The following TENM4 variants were observed in gnomAD, a reference collection of about 807,000 sequenced individuals.
TENM4 encodes the protein teneurin-4.
TENM4 carries 82 observed loss-of-function variants against 243.3 expected under a neutral mutation model. That is an observed-to-expected ratio of 0.34 (90% CI 0.28 to 0.40). TENM4 has a LOEUF of 0.40. Ranked by LOEUF, TENM4 falls within the 10% of genes least tolerant of loss-of-function variation. TENM4 has a pLI of 1.00. For missense variants in TENM4, 3,138 were observed against 3,673.3 expected, an observed-to-expected ratio of 0.85 and a Z score of 3.77; for synonymous variants, 1,412 against 1,456.3, an observed-to-expected ratio of 0.97 and a Z score of 0.69.
intron 17 of TENM4, among the ~76,000 whole-genome samples, chr11:78,775,863 T>C (rs1484605158): frequency 6.6e-6 from 1 of 152,250 alleles, no homozygotes; most frequent in Non-Finnish European, 1.5e-5. Flanking sequence ...GGGACCACTT[T>C]ATCTTCAATC....
chr11:79,194,781 A>G (rs1344863112), intron 3 of TENM4, among the ~76,000 whole-genome samples: 1 of 152,184 alleles, frequency 6.6e-6, no homozygotes, highest in African/African-American at 2.4e-5. Context: ...AGAAAATTCC[A>G]TTTTCTGGGG....
chr11:78,909,431 G>A (rs566226993), intron 6 of TENM4, among the ~76,000 whole-genome samples: 2 of 152,200 alleles, frequency 1.3e-5, no homozygotes, highest in Non-Finnish European at 2.9e-5. Flanking sequence ...CCAGGATTTC[G>A]AAACCTTTAA....
chr11:79,247,413 T>C (rs1177569173), intron 2 of TENM4, among the ~76,000 whole-genome samples: 32 of 51,760 alleles, frequency 6.2e-4, no homozygotes, highest in African/African-American at 2.8e-3. Context: ...TGAGACTCTG[T>C]CTCAAAAAAA....
Position 79,219,423 on chromosome 11 carries a change from T to C in TENM4, c.-264-3514A>G, listed in dbSNP as rs148540175. ...TCTAGGAAGATGAATGTGGCAAGCC[T>C]TGCACAATATGAATTGGAAGTGGAG... On this transcript the variant is annotated intron_variant, in intron 2 of 33. Coordinates refer to ENST00000278550, the MANE Select transcript of TENM4 (RefSeq NM_001098816.3). 9.4e-4 allele frequency among the ~76,000 whole-genome samples: 143 copies of C among 152,328 alleles called. 4 individuals are homozygous for C. The highest frequency in any genetic ancestry group is 3.3e-3 in the African/African-American group (139 of 41,568).
chr11:79,208,260 A>G lies in TENM4; in HGVS notation c.-163+7548T>C, dbSNP rs116797638. On this transcript the variant is annotated intron_variant, in intron 3 of 33. Coordinates refer to ENST00000278550, the MANE Select transcript of TENM4 (RefSeq NM_001098816.3). Reference sequence around the variant, plus strand: ...TTGCTACATAGTATTAAGCACATCTATGAGTAAGGCCTTTGCCTATTTTAG... The same window carrying G: ...TTGCTACATAGTATTAAGCACATCTGTGAGTAAGGCCTTTGCCTATTTTAG... Among the ~76,000 whole-genome samples the G allele has an allele frequency of 3.0e-3, 455 of 152,350 alleles. 2 individuals carry two copies. The highest frequency in any genetic ancestry group is 0.01 in the African/African-American group (428 of 41,564).
At chr11:79,193,689 C>T (rs544079279) in intron 3 of TENM4, among the ~76,000 whole-genome samples, 15 of 152,278 alleles carry the variant, frequency 9.9e-5, no homozygotes, top group East Asian at 3.9e-4. Context: ...GCCAGGGACA[C>T]GGTGGCCTCA....
chr11:79,121,768 A>G (rs1648902657), intron 4 of TENM4, among the ~76,000 whole-genome samples: 1 of 152,152 alleles, frequency 6.6e-6, no homozygotes, highest in African/African-American at 2.4e-5. Flanking sequence ...TGGTGGAAAG[A>G]GTTTGGAGTT....
chr11:78,831,473 C>G (rs145623219), intron 12 of TENM4, among the ~76,000 whole-genome samples: 1 of 152,190 alleles, frequency 6.6e-6, no homozygotes, highest in African/African-American at 2.4e-5. Flanking sequence ...GTAATAAATG[C>G]GTAAAGCCCA....
chr11:79,399,816 C>T (rs1028344809), intron 1 of TENM4, among the ~76,000 whole-genome samples: 4 of 152,158 alleles, frequency 2.6e-5, no homozygotes, highest in Non-Finnish European at 5.9e-5. Context: ...AGTTCCTTCT[C>T]TGTAAAGAAT....
chr11:78,897,528 AG>A (rs1466204767), intron 7 of TENM4, among the ~76,000 whole-genome samples: 1 of 152,174 alleles, frequency 6.6e-6, no homozygotes, highest in Non-Finnish European at 1.5e-5. Flanking sequence ...GTTCCCAGTA[AG>A]GGCTCTCTCT....
chr11:78,837,983 G>A (rs1858156716), intron 12 of TENM4, among the ~76,000 whole-genome samples: 1 of 151,898 alleles, frequency 6.6e-6, no homozygotes, highest in Admixed American at 6.6e-5. Context: ...CATTTTTATG[G>A]TTTAATACAA....
chr11:78,791,554 G>A (rs1857056976), intron 15 of TENM4, among the ~76,000 whole-genome samples: 1 of 152,210 alleles, frequency 6.6e-6, no homozygotes, highest in South Asian at 2.1e-4. Flanking sequence ...GGTGCTCCCT[G>A]TGTGCAAGCC....
chr11:79,084,861 C>G (rs1435960564), intron 4 of TENM4, among the ~76,000 whole-genome samples: 1 of 152,176 alleles, frequency 6.6e-6, no homozygotes, highest in Non-Finnish European at 1.5e-5. Flanking sequence ...CATGCACACA[C>G]ACTCATTCAG....
chr11:79,137,580 G>GC (rs1489190161), intron 4 of TENM4, among the ~76,000 whole-genome samples: 1 of 152,156 alleles, frequency 6.6e-6, no homozygotes, highest in Non-Finnish European at 1.5e-5. Flanking sequence ...AGTTACAACC[G>GC]CGTGACCAGC....
chr11:78,705,752 T>C (rs1040726690), intron 27 of TENM4, among the ~76,000 whole-genome samples: 4 of 152,168 alleles, frequency 2.6e-5, no homozygotes, highest in South Asian at 2.1e-4. Context: ...GAGTGAGAGA[T>C]TGGGGTCAGG....
chr11:79,234,424 C>T (rs1864426775), intron 2 of TENM4, among the ~76,000 whole-genome samples: 2 of 152,194 alleles, frequency 1.3e-5, no homozygotes, highest in Non-Finnish European at 2.9e-5. Context: ...TCAGTTCTTA[C>T]TGGCTAAGAG....
intron 32 of TENM4, among the ~76,000 whole-genome samples, chr11:78,667,237 A>G (rs1463017734): frequency 6.6e-6 from 1 of 151,974 alleles, no homozygotes; most frequent in Non-Finnish European, 1.5e-5. Context: ...CTTCTTCCCT[A>G]TGCTTGGGAT....
At chr11:78,676,525 G>A (rs1049056693) in intron 29 of TENM4, 138 bp from the exon 30 acceptor site, 4 of 536,796 alleles carry the variant, frequency 7.5e-6, no homozygotes, top group Non-Finnish European at 1.2e-5. Flanking sequence ...TGAAGAAAGC[G>A]AGGAAAATAC....
intron 1 of TENM4, among the ~76,000 whole-genome samples, chr11:79,306,716 A>C (rs1199224774): frequency 6.6e-6 from 1 of 152,138 alleles, no homozygotes; most frequent in Non-Finnish European, 1.5e-5. Flanking sequence ...TCAGAAGCAA[A>C]TATTATCACC....
Sources: gnomAD v4.1 joint callset for allele counts (sites outside exome capture counted in the v4.1 genomes callset) on GRCh38, gnomAD v4.1.1 for gene constraint, MANE v1.5 for transcripts, NCBI Gene and HGNC (gene_info 2026-07-23, HGNC 2026-07-21) for gene names.